Variants in MPHOSPH8 observed in about 807,000 individuals in gnomAD.
MPHOSPH8 encodes the protein M-phase phosphoprotein, mpp.
A neutral mutation model predicts 87.3 loss-of-function variants in MPHOSPH8; 45 were observed. The observed-to-expected ratio is 0.52, with a 90% CI of 0.41 to 0.66. MPHOSPH8 has a LOEUF of 0.66. MPHOSPH8 is among the 30% of genes least tolerant of loss of function. MPHOSPH8 has a pLI of 0.00. For missense variants in MPHOSPH8, 883 were observed against 1,020.2 expected, an observed-to-expected ratio of 0.87 and a Z score of 1.83; for synonymous variants, 366 against 376.9, an observed-to-expected ratio of 0.97 and a Z score of 0.33.
At chr13:19,658,366 C>G (rs1260639053) in intron 5 of MPHOSPH8, among the ~76,000 whole-genome samples, 1 of 149,552 alleles carries the variant, frequency 6.7e-6, no homozygotes, top group African/African-American at 2.5e-5. Context: ...ATGACCTGCA[C>G]TGAAGTCTGT....
At chr13:19,667,076 C>T (rs527700942) in intron 10 of MPHOSPH8, among the ~76,000 whole-genome samples, 4 of 152,184 alleles carry the variant, frequency 2.6e-5, no homozygotes, top group Admixed American at 1.3e-4. Context: ...GCAGGAGAAT[C>T]GCTTGAACCC....
intron 4 of MPHOSPH8, 122 bp downstream of exon 4, chr13:19,648,643 C>T: frequency 2.8e-6 from 1 of 351,020 alleles, no homozygotes; most frequent in Non-Finnish European, 5.0e-6. Context: ...CCTTGTTTTT[C>T]CTTTTTAATA....
chr13:19,647,364 C>T (rs1874625222), intron 3 of MPHOSPH8, 73 bp downstream of exon 3: 3 of 1,332,838 alleles, frequency 2.3e-6, no homozygotes, highest in South Asian at 1.5e-5. Flanking sequence ...GAAAGGGAAA[C>T]AGTCAAGCTA....
chr13:19,647,408 A>G, intron 3 of MPHOSPH8, 117 bp downstream of exon 3: 1 of 838,058 alleles, frequency 1.2e-6, no homozygotes, highest in Non-Finnish European at 1.8e-6. Flanking sequence ...GCGGTCATAA[A>G]TGAAGATCCT....
intron 1 of MPHOSPH8, among the ~76,000 whole-genome samples, chr13:19,634,777 A>G (rs1873904660): frequency 6.6e-6 from 1 of 152,226 alleles, no homozygotes; most frequent in Non-Finnish European, 1.5e-5. Flanking sequence ...CCTTTAATCC[A>G]AGGGGAAGCA....
chr13:19,665,633 G>A (rs1875772108), intron 9 of MPHOSPH8, among the ~76,000 whole-genome samples: 1 of 152,178 alleles, frequency 6.6e-6, no homozygotes, highest in South Asian at 2.1e-4. Flanking sequence ...CCGTTGTCGG[G>A]GTAGTGTGGC....
chr13:19,651,975 G>C (rs2137519425), intron 5 of MPHOSPH8, among the ~76,000 whole-genome samples: 1 of 151,918 alleles, frequency 6.6e-6, no homozygotes, highest in East Asian at 1.9e-4. Flanking sequence ...GGTGGTGCGT[G>C]CCTGCAGTCC....
chr13:19,662,999 A>G (rs1299603805), intron 8 of MPHOSPH8, 41 bp from the exon 9 acceptor site: 1 of 1,491,668 alleles, frequency 6.7e-7, no homozygotes, highest in African/African-American at 1.4e-5. Context: ...TGTCTTTTAA[A>G]TAATTTGGGA....
chr13:19,661,072 G>A (rs57482737), intron 7 of MPHOSPH8: 42,743 of 497,496 alleles, frequency 0.086, 2,147 homozygotes, highest in African/African-American at 0.18. Context: ...AGCCTGGGCT[G>A]ACATAGCAAC....
chr13:19,659,076 A>G lies in MPHOSPH8; in HGVS notation c.1658A>G (p.Asp553Gly). 1 of 1,614,182 alleles carries G rather than the reference A, an allele frequency of 6.2e-7. No homozygotes were observed. The highest frequency in any genetic ancestry group is 1.6e-4 in the Middle Eastern group (1 of 6,062). The change falls in exon 6 of 14, where the codon GAT (aspartate) becomes GGT (glycine). Residue 553 changes from aspartate (D) to glycine (G), a missense_variant. Coordinates refer to ENST00000361479, the MANE Select transcript of MPHOSPH8 (RefSeq NM_017520.4). The stretch of plus-strand genomic sequence containing the variant: ...TTGGAAGATTTCCAAAAGCACCTTG[A>G]TGGGAAAGATGAGAATTTTGCTGCA... ...MKLEDFQKHLDGKDENFAATD... is the reference protein window; with the variant it reads ...MKLEDFQKHLGGKDENFAATD...
chr13:19,666,481 C>T lies in MPHOSPH8; in HGVS notation c.2076C>T (p.Asp692=). 6.2e-7 allele frequency: 1 copy of T among 1,611,906 alleles called. No homozygotes were observed. Among genetic ancestry groups the T allele is most frequent in the Non-Finnish European group, 8.5e-7 (1 of 1,178,118 alleles). The part of the protein sequence containing the change: ...IVRLVIECGA[D]CNILSKHQNS... Reference sequence around the variant, plus strand: ...GACTCGTAATTGAATGTGGAGCTGACTGCAATATTTTGTCAAAGCACCAGA... The same window carrying T: ...GACTCGTAATTGAATGTGGAGCTGATTGCAATATTTTGTCAAAGCACCAGA... The change falls in exon 10 of 14, where the codon GAC becomes GAT. Residue 692 remains aspartate, a synonymous_variant. Transcript: ENST00000361479.
At chr13:19,642,408 C>A in intron 2 of MPHOSPH8, 138 bp downstream of exon 2, 1 of 701,224 alleles carries the variant, frequency 1.4e-6, no homozygotes, top group Non-Finnish European at 2.1e-6. Flanking sequence ...GTAGCCAATT[C>A]TCACAGACTG....
At chr13:19,644,049 C>T (rs1470260952) in intron 2 of MPHOSPH8, among the ~76,000 whole-genome samples, 2 of 152,180 alleles carry the variant, frequency 1.3e-5, no homozygotes, top group Non-Finnish European at 2.9e-5. Context: ...TAAAGTTCCA[C>T]ATTCATTTGT....
At position 19,661,755 on chromosome 13, in the gene MPHOSPH8, C is replaced by T. The variant is rs1160718950; in HGVS notation, c.1849C>T (p.Leu617=). ...LAAAGGQDDL[L]RLLITKGAKV... ...CGCCGCCGGAGGGCAGGACGACCTC[C>T]TGCGACTCCTCATCACAAAAGGCGC... Residue 617 remains leucine, a synonymous_variant, in exon 8 of 14, where the codon CTG becomes TTG. Transcript: ENST00000361479. The T allele has an allele frequency of 6.2e-7, 1 of 1,613,040 alleles. No individual in the cohort carries two copies. The highest frequency in any genetic ancestry group is 2.2e-5 in the East Asian group (1 of 44,812).
intron 5 of MPHOSPH8, among the ~76,000 whole-genome samples, chr13:19,651,835 C>T (rs941011170): frequency 5.3e-5 from 8 of 151,972 alleles, no homozygotes; most frequent in African/African-American, 1.9e-4. Context: ...CACGGCGGCT[C>T]ACACCTGTAA....
chr13:19,660,272 A>G (rs1875455249), intron 7 of MPHOSPH8, among the ~76,000 whole-genome samples: 1 of 151,708 alleles, frequency 6.6e-6, no homozygotes, highest in African/African-American at 2.4e-5. Flanking sequence ...CTGGCCACGT[A>G]TGGATTTTTT....
intron 5 of MPHOSPH8, among the ~76,000 whole-genome samples, chr13:19,654,331 G>T (rs76239385): frequency 2.6e-5 from 4 of 152,128 alleles, no homozygotes; most frequent in Non-Finnish European, 5.9e-5. Context: ...CCTGTCAGGG[G>T]GTAGGGGCTC....
At chr13:19,671,334 G>C (rs1876115467) in intron 13 of MPHOSPH8, 45 bp downstream of exon 13, 1 of 1,536,846 alleles carries the variant, frequency 6.5e-7, no homozygotes, top group South Asian at 1.1e-5. Context: ...TCAAGTTGTT[G>C]CTCCAGATTA....
intron 1 of MPHOSPH8, among the ~76,000 whole-genome samples, chr13:19,641,620 G>A (rs1439345594): frequency 6.6e-6 from 1 of 150,752 alleles, no homozygotes; most frequent in Admixed American, 6.7e-5. Flanking sequence ...AGCTTCCGAA[G>A]TAGCTGGGAT....
Sources: gnomAD v4.1 joint callset for allele counts (sites outside exome capture counted in the v4.1 genomes callset) on GRCh38, gnomAD v4.1.1 for gene constraint, MANE v1.5 for transcripts, NCBI Gene and HGNC (gene_info 2026-07-23, HGNC 2026-07-21) for gene names.